Variants in ALOXE3 observed in about 807,000 individuals in gnomAD.
ALOXE3 encodes the protein hydroperoxide isomerase ALOXE3.
Under a neutral mutation model 87.5 loss-of-function variants are expected in ALOXE3, and 78 were observed. That is an observed-to-expected ratio of 0.89 (90% CI 0.74 to 1.08). The LOEUF (loss-of-function observed/expected upper bound fraction) is 1.08, where lower values mean the gene tolerates loss of function less well. Ranked by LOEUF, ALOXE3 falls within the 50% of genes least tolerant of loss-of-function variation. ALOXE3 has a pLI of 0.00. For missense variants in ALOXE3, 946 were observed against 912.4 expected, an observed-to-expected ratio of 1.04 and a Z score of -0.47; for synonymous variants, 363 against 370.8, an observed-to-expected ratio of 0.98 and a Z score of 0.24.
In ALOXE3 at chr17:8,110,178, T is replaced by A; in HGVS notation, c.1219A>T (p.Thr407Ser). The change falls in exon 10 of 16, where the codon ACG becomes TCG. Residue 407 changes from threonine to serine, a missense_variant. Transcript: ENST00000448843. ...AGCAAATGCGTGCACAGAAAGTGCG[T>A]GTTGTTTTCGTGCACCAGGAACTCA... ...NSEFLVHENN[T>S]HFLCTHLLCE... is the part of the protein sequence containing the mutation. 1 of 1,614,090 alleles carries A rather than the reference T, an allele frequency of 6.2e-7. No individual in the cohort carries two copies. Among genetic ancestry groups the A allele is most frequent in the Non-Finnish European group, 8.5e-7 (1 of 1,179,932 alleles).
At chr17:8,097,791 A>G (rs1978643948) in intron 15 of ALOXE3, among the ~76,000 whole-genome samples, 1 of 139,428 alleles carries the variant, frequency 7.2e-6, no homozygotes, top group Non-Finnish European at 1.5e-5. Context: ...ACTGTCGCCC[A>G]GGTTGGAGTG....
chr17:8,110,057 C>T (rs1446687650), intron 10 of ALOXE3, 35 bp downstream of exon 10: 1 of 1,588,808 alleles, frequency 6.3e-7, no homozygotes, highest in Non-Finnish European at 8.6e-7. Context: ...CCGCCCGGCC[C>T]CTGCCCCGCT....
chr17:8,109,233 C>G lies in ALOXE3; in HGVS notation c.1503G>C (p.Leu501=), dbSNP rs145838099. 1,444 of 1,614,088 alleles carry G rather than the reference C, an allele frequency of 8.9e-4. 2 individuals are homozygous for G. Among genetic ancestry groups the G allele is most frequent in the Non-Finnish European group, 1.1e-3 (1,349 of 1,180,042 alleles). The change falls in exon 12 of 16, where the codon CTG becomes CTC. Residue 501 remains leucine (L), a synonymous_variant. Transcript: ENST00000448843. ...CTCGGTAGTGGTAGTTGGGGATAGC[C>G]AGGACGCCGCGGGCCCGCAGGCTGT... ...LPDSLRARGV[L]AIPNYHYRDD... is the part of the protein sequence containing the mutation.
rs2289587 is a variant in ALOXE3, at chr17:8,104,332, T to C, written c.1685-117A>G. ...TGAGGAAGTAGGGAACACCGAGCCA[T>C]GACTGTCTTGTCGGGCTGGTTAGGG... On this transcript the variant is annotated intron_variant, in intron 13 of 15. Coordinates refer to ENST00000448843, the MANE Select transcript of ALOXE3 (RefSeq NM_021628.3). 341,297 of 763,784 alleles carry C rather than the reference T, an allele frequency of 0.45. 78,736 individuals carry two copies. The highest frequency in any genetic ancestry group is 0.67 in the East Asian group (24,164 of 35,928). 47.3% of individuals were successfully genotyped at this position (763,784 alleles called of 1,614,324 possible).
intron 12 of ALOXE3, 138 bp downstream of exon 12, chr17:8,109,036 T>C (rs957265122): frequency 2.2e-6 from 3 of 1,365,308 alleles, no homozygotes; most frequent in South Asian, 1.3e-5. Flanking sequence ...GACCCCAAAC[T>C]CAATTCATAC....
At position 8,110,182 on chromosome 17, in the gene ALOXE3, G is replaced by C. The variant is rs866904860; in HGVS notation, c.1215C>G (p.Asn405Lys). 1.2e-6 allele frequency: 2 copies of C among 1,614,118 alleles called. No individual in the cohort carries two copies. Among genetic ancestry groups the C allele is most frequent in the Middle Eastern group, 1.6e-4 (1 of 6,062 alleles). ...AATGCGTGCACAGAAAGTGCGTGTT[G>C]TTTTCGTGCACCAGGAACTCAGAGT... ...VRNSEFLVHE[N>K]NTHFLCTHLL... The change falls in exon 10 of 16, where the codon AAC (asparagine) becomes AAG (lysine). Residue 405 changes from asparagine (N) to lysine (K), a missense_variant. By Grantham distance (94) the Asn-to-Lys change is moderately conservative (BLOSUM62 0). Transcript: ENST00000448843.
intron 5 of ALOXE3, 152 bp from the exon 6 acceptor site, chr17:8,114,761 C>A: frequency 6.8e-7 from 1 of 1,467,116 alleles, no homozygotes; most frequent in Non-Finnish European, 9.4e-7. Context: ...GCTAAAATAA[C>A]CTCCTCACTC....
Position 8,114,528 on chromosome 17 carries a change from G to A in ALOXE3, c.636C>T (p.Tyr212=). Residue 212 remains tyrosine (Y), a synonymous_variant, in exon 6 of 16, where the codon TAC becomes TAT. Transcript: ENST00000448843. ...SLMYMEPNVR[Y]SATKTISLLF... is the part of the protein sequence containing the mutation. ...GCAGCGAGATCGTCTTGGTGGCTGAGTATCGAACATTGGGCTCCATGTACA... is the reference window on the plus strand; with the variant it reads ...GCAGCGAGATCGTCTTGGTGGCTGAATATCGAACATTGGGCTCCATGTACA... The A allele has an allele frequency of 6.2e-7, 1 of 1,614,070 alleles. No individual in the cohort carries two copies. The highest frequency in any genetic ancestry group is 8.5e-7 in the Non-Finnish European group (1 of 1,179,992).
chr17:8,107,535 C>A (rs1979411549), intron 13 of ALOXE3, among the ~76,000 whole-genome samples: 1 of 151,692 alleles, frequency 6.6e-6, no homozygotes, highest in South Asian at 2.1e-4. Flanking sequence ...CGAGGTGGCT[C>A]ACGTCTGTAA....
At chr17:8,112,266 TCTGC>T in intron 6 of ALOXE3, 70 bp from the exon 7 acceptor site, 1 of 1,179,272 alleles carries the variant, frequency 8.5e-7, no homozygotes, top group Non-Finnish European at 1.3e-6. Flanking sequence ...TGTGTGCCCC[TCTGC>T]CTGGAGGAAC....
intron 13 of ALOXE3, among the ~76,000 whole-genome samples, chr17:8,106,188 G>A (rs1455395145): frequency 1.3e-5 from 2 of 152,070 alleles, no homozygotes; most frequent in African/African-American, 4.8e-5. Flanking sequence ...GTGACAGTAG[G>A]GATCAGCCAC....
intron 12 of ALOXE3, 106 bp from the exon 13 acceptor site, chr17:8,108,695 G>A: frequency 6.5e-7 from 1 of 1,531,466 alleles, no homozygotes; most frequent in Non-Finnish European, 8.9e-7. Context: ...GATAGCCATG[G>A]GGGTTCAGCA....
At chr17:8,110,570 C>G in intron 8 of ALOXE3, 42 bp from the exon 9 acceptor site, 1 of 1,612,728 alleles carries the variant, frequency 6.2e-7, no homozygotes, top group South Asian at 1.1e-5. Context: ...TCCCTACTCG[C>G]GCTCCACTTC....
intron 3 of ALOXE3, 99 bp from the exon 4 acceptor site, chr17:8,115,787 A>G: frequency 1.7e-6 from 2 of 1,186,596 alleles, no homozygotes; most frequent in Non-Finnish European, 2.5e-6. Flanking sequence ...CCAATCCGAC[A>G]GCCACATCCC....
chr17:8,097,573 C>T (rs1282099909), intron 15 of ALOXE3, among the ~76,000 whole-genome samples: 2 of 152,108 alleles, frequency 1.3e-5, no homozygotes, highest in Admixed American at 6.6e-5. Context: ...CAATCACTAT[C>T]GAGAAATATC....
At chr17:8,112,512 C>T (rs1285786179) in intron 6 of ALOXE3, among the ~76,000 whole-genome samples, 1 of 152,120 alleles carries the variant, frequency 6.6e-6, no homozygotes, top group Non-Finnish European at 1.5e-5. Flanking sequence ...TGTCACAGAC[C>T]TCCACTGGCT....
chr17:8,107,904 AG>A (rs1979530886), intron 13 of ALOXE3, among the ~76,000 whole-genome samples: 1 of 6,592 alleles, frequency 1.5e-4, no homozygotes, highest in Admixed American at 1.4e-3. Context: ...AAAGAAAGAA[AG>A]AAAGAAAGAA....
At chr17:8,101,266 G>A (rs1978906106) in intron 15 of ALOXE3, among the ~76,000 whole-genome samples, 1 of 152,124 alleles carries the variant, frequency 6.6e-6, no homozygotes, top group African/African-American at 2.4e-5. Context: ...GACCTCAGGT[G>A]ATCCACCCAC....
At chr17:8,118,402 C>G (rs775360997) in intron 1 of ALOXE3, 84 bp downstream of exon 1, 1 of 1,551,084 alleles carries the variant, frequency 6.4e-7, no homozygotes. Flanking sequence ...CGGACTGATG[C>G]CCTGGAGTGC....
Sources: allele counts gnomAD v4.1 joint callset (sites outside exome capture counted in the v4.1 genomes callset), GRCh38; gene constraint gnomAD v4.1.1; transcripts MANE v1.5; gene names NCBI Gene and HGNC (gene_info 2026-07-23, HGNC 2026-07-21).